Variants in BCAS3 observed in about 807,000 individuals in gnomAD.
The protein encoded by BCAS3 is BCAS4/BCAS3 fusion.
In BCAS3, 53 loss-of-function variants were observed where a neutral mutation model predicts 116.1. The observed-to-expected ratio is 0.46, with a 90% confidence interval of 0.37 to 0.57. BCAS3 has a LOEUF of 0.57. Ranked by LOEUF, BCAS3 falls within the 20% of genes least tolerant of loss-of-function variation. The pLI, the probability that BCAS3 is intolerant of heterozygous loss-of-function variation, is 0.00. For synonymous variants in BCAS3, 391 were observed against 408.2 expected (o/e 0.96, Z 0.51); for missense variants, 917 against 1,165.4 (o/e 0.79, Z 3.10).
intron 6 of BCAS3, among the ~76,000 whole-genome samples, chr17:60,790,004 A>G (rs910891871): frequency 2.0e-5 from 3 of 151,912 alleles, no homozygotes; most frequent in Admixed American, 6.6e-5. Flanking sequence ...TTTAGTTAGT[A>G]TTTGTTTATT....
chr17:61,009,004 T>G (rs966120721), intron 15 of BCAS3, among the ~76,000 whole-genome samples: 4 of 151,866 alleles, frequency 2.6e-5, no homozygotes, highest in African/African-American at 7.3e-5. Context: ...AGAACAATAG[T>G]GGGTGTTGTA....
rs2053343451 is a variant in BCAS3, at chr17:61,300,514, T to C, written c.2426-67813T>C. Among the ~76,000 whole-genome samples, 4 of 151,958 alleles carry C rather than the reference T, an allele frequency of 2.6e-5. No individual in the cohort carries two copies. The highest frequency in any genetic ancestry group is 2.6e-4 in the Admixed American group (4 of 15,238). Reference sequence around the variant, plus strand: ...GTACCAGATTTCATTGCAGACTCTTTAGAAAAAATGTATGGCATCTTGACG... The same window carrying C: ...GTACCAGATTTCATTGCAGACTCTTCAGAAAAAATGTATGGCATCTTGACG... On this transcript the variant is annotated intron_variant, in intron 22 of 23. Transcript: ENST00000407086. This position sits in a 1 kb window ranked among gnomAD's most constrained non-coding sequence, Gnocchi z 5.1.
rs1165454091 is a variant in BCAS3 at position 61,300,107 on chromosome 17, CA to C, written c.2426-68219del. Among the ~76,000 whole-genome samples, 1 of 152,154 alleles carries C rather than the reference CA, an allele frequency of 6.6e-6. No individual in the cohort carries two copies. Among genetic ancestry groups the C allele is most frequent in the Admixed American group, 6.5e-5 (1 of 15,276 alleles). On this transcript the variant is annotated intron_variant, in intron 22 of 23. Transcript: ENST00000407086. This position sits in a 1 kb window ranked among gnomAD's most constrained non-coding sequence, Gnocchi z 5.1. ...CAGAGCTGTTTAGTACAGTACTAGGCAGAAGGTGCTTTCTCCTCACGTTACA... is the reference window on the plus strand; with the variant it reads ...CAGAGCTGTTTAGTACAGTACTAGGCGAAGGTGCTTTCTCCTCACGTTACA...
Position 61,285,259 on chromosome 17 carries a change from T to TGTGTG in BCAS3, c.2426-83068_2426-83067insGTGTG, listed in dbSNP as rs1555807771. On this transcript the variant is annotated intron_variant, in intron 22 of 23. Transcript: ENST00000407086. The surrounding 1 kb of genome is among the most constrained non-coding windows in gnomAD (Gnocchi z 5.4). ...TGTGTGTGTGTGTGTGTGTGTGTGTTTCTTGCTAAAATGCAGCAAAGGAAG... is the reference window on the plus strand; with the variant it reads ...TGTGTGTGTGTGTGTGTGTGTGTGTTGTGTGTCTTGCTAAAATGCAGCAAAGGAAG... Among the ~76,000 whole-genome samples, 4,863 of 129,070 alleles carry TGTGTG rather than the reference T, an allele frequency of 0.038. 269 individuals are homozygous for TGTGTG. Among genetic ancestry groups the TGTGTG allele is most frequent in the African/African-American group, 0.16 (4,557 of 28,838 alleles). The allele number at this position is 129,070 out of a possible 152,430, so 84.7% of individuals were successfully genotyped here.
chr17:61,366,941 G>A lies in BCAS3; in HGVS notation c.2426-1386G>A, dbSNP rs1175755604. Among the ~76,000 whole-genome samples the A allele has an allele frequency of 1.3e-5, 2 of 152,230 alleles. No individual in the cohort carries two copies. The highest frequency in any genetic ancestry group is 2.9e-5 in the Non-Finnish European group (2 of 68,038). On this transcript the variant is annotated intron_variant, in intron 22 of 23. Coordinates refer to ENST00000407086, the MANE Select transcript of BCAS3 (RefSeq NM_017679.5). This position sits in a 1 kb window ranked among gnomAD's most constrained non-coding sequence, Gnocchi z 4.5. The stretch of plus-strand genomic sequence containing the variant: ...GGATTATCTGGCCCTCTTTGCTGAT[G>A]TATGGAGTCACCGGCTGTCGGAGTG...
rs562718008 is a variant in BCAS3 at position 61,381,019 on chromosome 17, G to A, written c.2594-10958G>A. ...ATTTTTACATCATTAGATTAGCCCC[G>A]ACTCCTGGCCACTTGTTGTCTGCGC... On this transcript the variant is annotated intron_variant, in intron 23 of 23. Transcript: ENST00000407086. The surrounding 1 kb of genome is among the most constrained non-coding windows in gnomAD (Gnocchi z 6.0). 6.6e-6 allele frequency among the ~76,000 whole-genome samples: 1 copy of A among 152,280 alleles called. No homozygotes were observed. The highest frequency in any genetic ancestry group is 6.5e-5 in the Admixed American group (1 of 15,304).
chr17:60,792,516 C>T (rs911695958), intron 6 of BCAS3, among the ~76,000 whole-genome samples: 1 of 152,226 alleles, frequency 6.6e-6, no homozygotes, highest in Non-Finnish European at 1.5e-5. Context: ...ACTTGGGCAG[C>T]AGTGCTACTG....
intron 22 of BCAS3, among the ~76,000 whole-genome samples, chr17:61,320,189 C>G (rs1243211554): frequency 6.6e-6 from 1 of 151,672 alleles, no homozygotes; most frequent in Non-Finnish European, 1.5e-5. Flanking sequence ...GGCACCTGGC[C>G]AGAATAGTCT....
chr17:61,103,871 A>G (rs1447790576), intron 22 of BCAS3, among the ~76,000 whole-genome samples: 1 of 152,200 alleles, frequency 6.6e-6, no homozygotes, highest in Non-Finnish European at 1.5e-5. Flanking sequence ...CTTGGCTATA[A>G]AACTTTGTTC....
intron 7 of BCAS3, among the ~76,000 whole-genome samples, chr17:60,838,079 G>T (rs1420320980): frequency 6.6e-6 from 1 of 152,056 alleles, no homozygotes; most frequent in Non-Finnish European, 1.5e-5. Context: ...AAGACATGGC[G>T]AGATAAACCC....
intron 13 of BCAS3, 58 bp downstream of exon 13, chr17:60,924,558 T>G (rs958058256): frequency 6.1e-6 from 8 of 1,314,020 alleles, no homozygotes; most frequent in Middle Eastern, 1.9e-4. Context: ...ATATAATGGG[T>G]TTTCCAGCCA....
Position 61,013,765 on chromosome 17 carries a change from A to G in BCAS3, c.1487-1986A>G, listed in dbSNP as rs1222004146. On this transcript the variant is annotated intron_variant, in intron 15 of 23. Transcript: ENST00000407086. The surrounding 1 kb of genome is among the most constrained non-coding windows in gnomAD (Gnocchi z 4.4). ...CAAAAGAGACATTTATCAAAGGTTAACTTGATAGTTCTATAGAGTAATATA... is the reference window on the plus strand; with the variant it reads ...CAAAAGAGACATTTATCAAAGGTTAGCTTGATAGTTCTATAGAGTAATATA... 2.0e-5 allele frequency among the ~76,000 whole-genome samples: 3 copies of G among 152,270 alleles called. No homozygotes were observed. In the East Asian group the frequency reaches 5.8e-4, roughly 29 times the overall value.
intron 15 of BCAS3, among the ~76,000 whole-genome samples, chr17:61,001,975 G>A (rs1054563859): frequency 6.6e-6 from 1 of 152,076 alleles, no homozygotes; most frequent in Non-Finnish European, 1.5e-5. Flanking sequence ...ATTAATGGAA[G>A]AAGCTATTAA....
chr17:60,709,508 A>C, intron 5 of BCAS3, 183 bp downstream of exon 5: 1 of 433,172 alleles, frequency 2.3e-6, no homozygotes, highest in Non-Finnish European at 4.2e-6. Flanking sequence ...TCCTGCCTCA[A>C]CCTCCCGAGT....
rs145569704 is a variant in BCAS3 at position 61,307,817 on chromosome 17, G to C, written c.2426-60510G>C. On this transcript the variant is annotated intron_variant, in intron 22 of 23. Transcript: ENST00000407086. This position sits in a 1 kb window ranked among gnomAD's most constrained non-coding sequence, Gnocchi z 4.7. ...AATTCATTTTTTTGTAATACCTTCTGTTAGACACTTCCATATGACCTGTGT... is the reference window on the plus strand; with the variant it reads ...AATTCATTTTTTTGTAATACCTTCTCTTAGACACTTCCATATGACCTGTGT... 1.6e-4 allele frequency among the ~76,000 whole-genome samples: 25 copies of C among 152,220 alleles called. No homozygotes were observed. Among genetic ancestry groups the C allele is most frequent in the African/African-American group, 6.0e-4 (25 of 41,528 alleles).
intron 1 of BCAS3, among the ~76,000 whole-genome samples, chr17:60,679,203 C>T (rs1471904203): frequency 6.6e-6 from 1 of 152,102 alleles, no homozygotes; most frequent in African/African-American, 2.4e-5. Flanking sequence ...CCAGCCTGGG[C>T]GACAGAGCGA....
intron 11 of BCAS3, among the ~76,000 whole-genome samples, chr17:60,906,069 A>G (rs1295450102): frequency 2.0e-5 from 3 of 152,210 alleles, no homozygotes; most frequent in Admixed American, 6.5e-5. Context: ...GCATTCACCT[A>G]TGCAAGCTTC....
intron 23 of BCAS3, chr17:61,384,602 T>G (rs1020462504): frequency 2.0e-5 from 3 of 152,222 alleles, no homozygotes; most frequent in African/African-American, 4.8e-5. Context: ...AGGGCAGGGC[T>G]TCTCCCACAT....
At chr17:61,064,001 T>A (rs964501435) in intron 19 of BCAS3, among the ~76,000 whole-genome samples, 1 of 152,240 alleles carries the variant, frequency 6.6e-6, no homozygotes, top group Non-Finnish European at 1.5e-5. Flanking sequence ...CAAGCTTGAC[T>A]GTAAATTTGA....
Sources: allele counts gnomAD v4.1 joint callset (sites outside exome capture counted in the v4.1 genomes callset), GRCh38; gene constraint gnomAD v4.1.1; non-coding constraint Gnocchi (gnomAD v3.1); transcripts MANE v1.5; gene names NCBI Gene and HGNC (gene_info 2026-07-23, HGNC 2026-07-21).